The following SLC14A2 variants were observed in gnomAD, a reference collection of about 807,000 sequenced individuals.
SLC14A2 encodes the protein solute carrier family 14 member 2, also known as urea transporter 2.
In SLC14A2, 91 loss-of-function variants were observed where a neutral mutation model predicts 104.6. That is an observed-to-expected ratio of 0.87 (90% CI 0.73 to 1.04). The LOEUF (loss-of-function observed/expected upper bound fraction) is 1.04. SLC14A2 is among the 50% of genes least tolerant of loss of function. The probability of loss-of-function intolerance (pLI) is 0.00; values close to 1 mark genes in which losing one functional copy is unlikely to be tolerated. For synonymous variants in SLC14A2, 476 were observed against 466.4 expected (o/e 1.02, Z -0.27); for missense variants, 1,189 against 1,156.0 (o/e 1.03, Z -0.41).
chr18:45,530,276 G>A (rs2043662933), intron 2 of SLC14A2, among the ~76,000 whole-genome samples: 2 of 152,266 alleles, frequency 1.3e-5, no homozygotes, highest in Non-Finnish European at 1.5e-5. Flanking sequence ...GCTGATGTTT[G>A]TTGTCAATTC....
At chr18:45,560,979 C>A (rs2044193894) in intron 2 of SLC14A2, among the ~76,000 whole-genome samples, 1 of 152,120 alleles carries the variant, frequency 6.6e-6, no homozygotes, top group African/African-American at 2.4e-5. Flanking sequence ...CATTCCCTGA[C>A]AGAGAGATAC....
intron 2 of SLC14A2, among the ~76,000 whole-genome samples, chr18:45,536,913 T>G (rs1263753121): frequency 2.0e-5 from 3 of 152,124 alleles, no homozygotes; most frequent in Non-Finnish European, 4.4e-5. Flanking sequence ...TGGGCATCCT[T>G]GCAGGCCTTC....
At chr18:45,641,840 A>T (rs1219235115) in intron 8 of SLC14A2, among the ~76,000 whole-genome samples, 1 of 152,248 alleles carries the variant, frequency 6.6e-6, no homozygotes, top group Non-Finnish European at 1.5e-5. Context: ...ACTAAAAATC[A>T]TAACCACATT....
At chr18:45,593,486 C>CTT (rs1172271684) in intron 2 of SLC14A2, among the ~76,000 whole-genome samples, 10,428 of 88,772 alleles carry the variant, frequency 0.12, 1,715 homozygotes, top group Non-Finnish European at 0.15. Context: ...TTTCCTTAAT[C>CTT]TTTTTTTTTT....
chr18:45,474,311 T>C (rs2087313578), intron 1 of SLC14A2, among the ~76,000 whole-genome samples: 1 of 152,248 alleles, frequency 6.6e-6, no homozygotes. Context: ...GCATCAATGT[T>C]CATCAGGGAT....
intron 2 of SLC14A2, among the ~76,000 whole-genome samples, chr18:45,535,420 T>G (rs2043765170): frequency 6.6e-6 from 1 of 152,330 alleles, no homozygotes; most frequent in Middle Eastern, 3.4e-3. Flanking sequence ...TCACTGAGCT[T>G]CTGCAGTACA....
chr18:45,254,496 T>C (rs1346431221), intron 1 of SLC14A2, among the ~76,000 whole-genome samples: 1 of 152,182 alleles, frequency 6.6e-6, no homozygotes, highest in African/African-American at 2.4e-5. Flanking sequence ...AGGAGAGAAG[T>C]GCAAATATAA....
chr18:45,268,778 G>T (rs2084619466), intron 1 of SLC14A2, among the ~76,000 whole-genome samples: 1 of 152,094 alleles, frequency 6.6e-6, no homozygotes, highest in Non-Finnish European at 1.5e-5. Context: ...GCCAAAGGTT[G>T]AGCCTTATAT....
chr18:45,447,333 C>T (rs544633296), intron 1 of SLC14A2: 5 of 152,308 alleles, frequency 3.3e-5, no homozygotes, highest in South Asian at 2.1e-4. Context: ...CCAGGTATTC[C>T]GCTTTCACTT....
At chr18:45,630,352 T>A (rs1270831758) in intron 4 of SLC14A2, among the ~76,000 whole-genome samples, 1 of 152,162 alleles carries the variant, frequency 6.6e-6, no homozygotes, top group Non-Finnish European at 1.5e-5. Flanking sequence ...AAGCATGACC[T>A]CCATCACCCC....
At chr18:45,400,250 T>C (rs1003386427) in intron 1 of SLC14A2, among the ~76,000 whole-genome samples, 1 of 152,202 alleles carries the variant, frequency 6.6e-6, no homozygotes, top group Non-Finnish European at 1.5e-5. Context: ...CTCTCTGATT[T>C]CCCTCAATCT....
intron 1 of SLC14A2, among the ~76,000 whole-genome samples, chr18:45,416,038 A>T (rs2086273132): frequency 6.6e-6 from 1 of 152,154 alleles, no homozygotes; most frequent in Non-Finnish European, 1.5e-5. Context: ...CCTGGTGCTA[A>T]TGATGACCTA....
At chr18:45,219,937 T>C (rs752611329) in intron 1 of SLC14A2, among the ~76,000 whole-genome samples, 4 of 152,168 alleles carry the variant, frequency 2.6e-5, no homozygotes, top group Admixed American at 2.0e-4. Context: ...TATTTAAGGT[T>C]TAAGAAGTAG....
intron 1 of SLC14A2, among the ~76,000 whole-genome samples, chr18:45,245,814 T>A (rs550534570): frequency 3.9e-4 from 60 of 152,356 alleles, no homozygotes; most frequent in African/African-American, 1.4e-3. Context: ...ATTTTTGTAT[T>A]CATGTATTGA....
intron 1 of SLC14A2, among the ~76,000 whole-genome samples, chr18:45,339,647 A>G (rs1227318777): frequency 6.6e-6 from 1 of 152,210 alleles, no homozygotes; most frequent in Non-Finnish European, 1.5e-5. Flanking sequence ...TGGAGAAGAG[A>G]ATGACCTGGA....
intron 1 of SLC14A2, among the ~76,000 whole-genome samples, chr18:45,450,485 A>G (rs148187429): frequency 2.2e-4 from 34 of 152,306 alleles, no homozygotes; most frequent in African/African-American, 8.2e-4. Flanking sequence ...GGTTTGACAT[A>G]ATTCCCCTTG....
intron 1 of SLC14A2, among the ~76,000 whole-genome samples, chr18:45,218,123 C>T (rs564320890): frequency 6.6e-6 from 1 of 152,276 alleles, no homozygotes; most frequent in South Asian, 2.1e-4. Flanking sequence ...CATCTACGTC[C>T]AGAACTTCAT....
At chr18:45,568,371 GA>G (rs1441821099) in intron 2 of SLC14A2, among the ~76,000 whole-genome samples, 5 of 152,238 alleles carry the variant, frequency 3.3e-5, no homozygotes, top group Non-Finnish European at 7.3e-5. Context: ...CAGAGAAGCA[GA>G]GGGCTGCTCT....
intron 2 of SLC14A2, among the ~76,000 whole-genome samples, chr18:45,569,739 T>C (rs1446109603): frequency 6.6e-6 from 1 of 152,176 alleles, no homozygotes; most frequent in African/African-American, 2.4e-5. Context: ...ACCAAGAGTG[T>C]GAGTCCACAC....
Sources: gnomAD v4.1 joint callset for allele counts (sites outside exome capture counted in the v4.1 genomes callset) on GRCh38, gnomAD v4.1.1 for gene constraint, MANE v1.5 for transcripts, NCBI Gene and HGNC (gene_info 2026-07-23, HGNC 2026-07-21) for gene names.